The following RYR3 variants were observed in gnomAD, a reference collection of about 807,000 sequenced individuals.
The protein encoded by RYR3 is ryanodine receptor 3.
A neutral mutation model predicts 584.3 loss-of-function variants in RYR3; 207 were observed. The observed-to-expected ratio is 0.35, with a 90% CI of 0.32 to 0.40. The LOEUF is 0.40. Among genes scored for constraint, RYR3 ranks in the 10% least tolerant of loss-of-function variants. RYR3 has a pLI of 1.00. For synonymous variants in RYR3, 2,416 were observed against 2,248.5 expected, an observed-to-expected ratio of 1.07 and a Z score of -2.11; for missense variants, 5,616 against 6,089.2, an observed-to-expected ratio of 0.92 and a Z score of 2.59.
chr15:33,575,776 A>G (rs1487224993), intron 12 of RYR3, among the ~76,000 whole-genome samples: 5 of 152,128 alleles, frequency 3.3e-5, no homozygotes, highest in African/African-American at 4.8e-5. Flanking sequence ...GGGCAGAACT[A>G]AAGGAGATAG....
At chr15:33,781,829 C>G (rs2074397142) in intron 65 of RYR3, among the ~76,000 whole-genome samples, 1 of 139,800 alleles carries the variant, frequency 7.2e-6, no homozygotes, top group South Asian at 2.5e-4. Flanking sequence ...CTCACCCTTT[C>G]TTCCCTTTGA....
At chr15:33,625,918 T>C (rs1463562756) in intron 20 of RYR3, among the ~76,000 whole-genome samples, 1 of 152,166 alleles carries the variant, frequency 6.6e-6, no homozygotes, top group East Asian at 1.9e-4. Context: ...CCATCCTGTA[T>C]CATTTGTTTT....
chr15:33,412,684 G>A lies in RYR3; in HGVS notation c.52-60735G>A, dbSNP rs1204436316. Among the ~76,000 whole-genome samples, 2 of 152,180 alleles carry A rather than the reference G, an allele frequency of 1.3e-5. No individual in the cohort carries two copies. The highest frequency in any genetic ancestry group is 2.9e-5 in the Non-Finnish European group (2 of 68,032). On this transcript the variant is annotated intron_variant, in intron 1 of 103. Coordinates refer to ENST00000634891, the MANE Select transcript of RYR3 (RefSeq NM_001036.6). This position sits in a 1 kb window ranked among gnomAD's most constrained non-coding sequence, Gnocchi z 4.3. ...GCTGGTTTGGTTGTAACTCTCTGAA[G>A]CTGAGTACTGTGGCTAAATCAAGCT... is the stretch of plus-strand genomic sequence containing the variant.
rs369723960 is a variant in RYR3, at chr15:33,474,826, T to C, written c.171+1288T>C. Among the ~76,000 whole-genome samples the C allele has an allele frequency of 9.2e-5, 14 of 152,330 alleles. No homozygotes were observed. In the East Asian group the frequency reaches 1.5e-3, roughly 17 times the overall value. Reference sequence around the variant, plus strand: ...TTTGGCTAAAATCTGTAACACCAGATGTCCAGGGTGATGGCCACGTCCTCC... The same window carrying C: ...TTTGGCTAAAATCTGTAACACCAGACGTCCAGGGTGATGGCCACGTCCTCC... On this transcript the variant is annotated intron_variant, in intron 2 of 103. Coordinates refer to ENST00000634891, the MANE Select transcript of RYR3 (RefSeq NM_001036.6).
chr15:33,348,665 A>C (rs1050005715), intron 1 of RYR3, among the ~76,000 whole-genome samples: 39 of 151,876 alleles, frequency 2.6e-4, no homozygotes, highest in Non-Finnish European at 5.4e-4. Flanking sequence ...TAGTAGAGAC[A>C]AGGTTTCAGC....
rs2079351283 is a variant in RYR3, at chr15:33,853,767, C to T, written c.13799+85C>T. On this transcript the variant is annotated intron_variant, in intron 96 of 103. Transcript: ENST00000634891. ...CCATAGGAAAAAATCACAACCGTGT[C>T]TTTGTTCTCTCAGGCTGTGGTCTGG... 3.3e-6 allele frequency: 5 copies of T among 1,513,570 alleles called. No individual in the cohort carries two copies. The South Asian group carries it at 3.9e-5, about 12-fold the overall frequency. The allele number at this position is 1,513,570 out of a possible 1,614,324, so 93.8% of individuals were successfully genotyped here.
intron 1 of RYR3, among the ~76,000 whole-genome samples, chr15:33,335,227 G>C (rs1970817919): frequency 6.6e-6 from 1 of 152,188 alleles, no homozygotes; most frequent in African/African-American, 2.4e-5. Context: ...ACACATGTAT[G>C]TGTATGCTCA....
intron 1 of RYR3, among the ~76,000 whole-genome samples, chr15:33,456,001 A>G (rs1158002067): frequency 1.3e-5 from 2 of 152,240 alleles, no homozygotes; most frequent in Non-Finnish European, 2.9e-5. Flanking sequence ...TAATCACAAG[A>G]CACTTTAAAT....
At chr15:33,319,763 G>A (rs1968695617) in intron 1 of RYR3, among the ~76,000 whole-genome samples, 1 of 152,160 alleles carries the variant, frequency 6.6e-6, no homozygotes, top group East Asian at 1.9e-4. Flanking sequence ...TTTCCTCCAG[G>A]AGAACTAGAT....
intron 1 of RYR3, among the ~76,000 whole-genome samples, chr15:33,465,986 A>G (rs780734570): frequency 6.6e-6 from 1 of 152,194 alleles, no homozygotes; most frequent in Non-Finnish European, 1.5e-5. Context: ...CAAAAAGAAC[A>G]TATGTGGGGA....
intron 48 of RYR3, among the ~76,000 whole-genome samples, chr15:33,732,398 A>T (rs1250762570): frequency 2.6e-5 from 4 of 151,678 alleles, no homozygotes; most frequent in Non-Finnish European, 5.9e-5. Context: ...AAAAAAAAAA[A>T]AAAAGCGACC....
rs914637998 is a variant in RYR3, at chr15:33,370,486, G to A, written c.51+59390G>A. The stretch of plus-strand genomic sequence containing the variant: ...GGCAAGCTATGCTGCTTACAGATAG[G>A]ACACAGCTGGCCATAAAGAATGCTG... On this transcript the variant is annotated intron_variant, in intron 1 of 103. Transcript: ENST00000634891. Among the ~76,000 whole-genome samples, 5 of 152,174 alleles carry A rather than the reference G, an allele frequency of 3.3e-5. No homozygotes were observed. The South Asian group carries it at 1.0e-3, about 32-fold the overall frequency.
chr15:33,717,339 C>T (rs1289466290), intron 43 of RYR3, among the ~76,000 whole-genome samples: 1 of 152,134 alleles, frequency 6.6e-6, no homozygotes, highest in Non-Finnish European at 1.5e-5. Context: ...ATGTAATTAC[C>T]ACCCAAAACC....
rs575444458 is a variant in RYR3, at chr15:33,706,296, A to G, written c.6484-623A>G. Among the ~76,000 whole-genome samples, 6 of 152,244 alleles carry G rather than the reference A, an allele frequency of 3.9e-5. No homozygotes were observed. In the South Asian group the frequency reaches 1.2e-3, roughly 32 times the overall value. On this transcript the variant is annotated intron_variant, in intron 42 of 103. Coordinates refer to ENST00000634891, the MANE Select transcript of RYR3 (RefSeq NM_001036.6). ...ATGTGTAGTATTCAATACTTTTGTA[A>G]TGTTGTTGAACTGTCACCACCATCT...
chr15:33,587,681 G>A (rs577549600), intron 16 of RYR3, among the ~76,000 whole-genome samples: 1 of 152,312 alleles, frequency 6.6e-6, no homozygotes, highest in South Asian at 2.1e-4. Flanking sequence ...TGTGATCTTG[G>A]TACATAAGAG....
At chr15:33,693,830 G>A (rs996312144) in intron 38 of RYR3, among the ~76,000 whole-genome samples, 4 of 152,324 alleles carry the variant, frequency 2.6e-5, no homozygotes, top group African/African-American at 4.8e-5. Context: ...CAGGTGGAGA[G>A]TAACATTTTC....
Position 33,854,799 on chromosome 15 carries a change from T to C in RYR3, c.13894T>C (p.Ser4632Pro), listed in dbSNP as rs1217945057. 1 of 1,613,280 alleles carries C rather than the reference T, an allele frequency of 6.2e-7. No homozygotes were observed. The highest frequency in any genetic ancestry group is 8.5e-7 in the Non-Finnish European group (1 of 1,179,656). The change falls in exon 98 of 104, where the codon TCA (serine) becomes CCA (proline). Residue 4632 changes from serine (S) to proline (P), a missense_variant. Ser to Pro is a moderately conservative substitution (Grantham distance 74). Coordinates refer to ENST00000634891, the MANE Select transcript of RYR3 (RefSeq NM_001036.6). Reference protein sequence around the residue: ...FLYLAWYTTMSVLGHYNNFFF... With the variant: ...FLYLAWYTTMPVLGHYNNFFF... ...CTACCTTGCCTGGTATACAACCATGTCAGTCCTGGGCCACTACAATAACTT... is the reference window on the plus strand; with the variant it reads ...CTACCTTGCCTGGTATACAACCATGCCAGTCCTGGGCCACTACAATAACTT...
At chr15:33,610,533 A>G (rs1390989217) in intron 18 of RYR3, among the ~76,000 whole-genome samples, 2 of 152,188 alleles carry the variant, frequency 1.3e-5, no homozygotes, top group African/African-American at 2.4e-5. Flanking sequence ...AGGGAATGCA[A>G]TATGGCTTTG....
At chr15:33,683,713 G>C (rs2064795120) in intron 38 of RYR3, among the ~76,000 whole-genome samples, 1 of 152,224 alleles carries the variant, frequency 6.6e-6, no homozygotes, top group Admixed American at 6.5e-5. Context: ...AGGGGTCGGG[G>C]GATTTCCCTT....
Sources: allele counts gnomAD v4.1 joint callset (sites outside exome capture counted in the v4.1 genomes callset), GRCh38; gene constraint gnomAD v4.1.1; non-coding constraint Gnocchi (gnomAD v3.1); transcripts MANE v1.5; gene names NCBI Gene and HGNC (gene_info 2026-07-23, HGNC 2026-07-21).